FNIP2: variants seen among roughly 807,000 people sequenced by gnomAD.
FNIP2 encodes folliculin-interacting protein 2.
A neutral mutation model predicts 108.7 loss-of-function variants in FNIP2; 32 were observed. That is an observed-to-expected ratio of 0.29 (90% CI 0.22 to 0.40). The LOEUF (loss-of-function observed/expected upper bound fraction) is 0.40. Among genes scored for constraint, FNIP2 ranks in the 10% least tolerant of loss-of-function variants. FNIP2 has a pLI of 1.00. For synonymous variants in FNIP2, 480 were observed against 496.7 expected, an observed-to-expected ratio of 0.97 and a Z score of 0.45; for missense variants, 1,202 against 1,381.6, an observed-to-expected ratio of 0.87 and a Z score of 2.06.
At chr4:158,806,010 C>T (rs898742199) in intron 1 of FNIP2, 24 of 547,430 alleles carry the variant, frequency 4.4e-5, no homozygotes, top group Non-Finnish European at 5.6e-5. Flanking sequence ...TATTGGCAGG[C>T]TTAATTTACG....
At chr4:158,799,286 G>A (rs1776686768) in intron 1 of FNIP2, among the ~76,000 whole-genome samples, 1 of 152,226 alleles carries the variant, frequency 6.6e-6, no homozygotes, top group African/African-American at 2.4e-5. Flanking sequence ...TGTTATAGCT[G>A]TACATCCAAA....
intron 14 of FNIP2, among the ~76,000 whole-genome samples, chr4:158,883,482 C>T (rs1315104966): frequency 2.6e-5 from 4 of 152,152 alleles, no homozygotes; most frequent in Admixed American, 6.5e-5. Flanking sequence ...ACCTTGTGAT[C>T]CGCCCACCTC....
At chr4:158,842,328 CTT>C (rs1367753908) in intron 7 of FNIP2, among the ~76,000 whole-genome samples, 1 of 152,130 alleles carries the variant, frequency 6.6e-6, no homozygotes. Context: ...ATTGTAATAA[CTT>C]ATATTAAAAG....
chr4:158,830,279 G>A (rs1461824110), intron 3 of FNIP2, among the ~76,000 whole-genome samples: 1 of 139,078 alleles, frequency 7.2e-6, no homozygotes, highest in Non-Finnish European at 1.5e-5. Context: ...TTTTTGAGAC[G>A]GAGTCTCGCT....
chr4:158,806,580 C>A (rs1439532179), intron 1 of FNIP2, among the ~76,000 whole-genome samples: 2 of 152,290 alleles, frequency 1.3e-5, no homozygotes, highest in Middle Eastern at 3.4e-3. Context: ...AGAGTCAAGT[C>A]CCTTCTCTTA....
intron 14 of FNIP2, among the ~76,000 whole-genome samples, chr4:158,886,383 G>A (rs770307914): frequency 7.2e-5 from 11 of 152,128 alleles, no homozygotes; most frequent in South Asian, 2.1e-4. Context: ...TCTTCTATCC[G>A]CAAGTCCCTG....
chr4:158,853,596 A>G (rs1307452648), intron 8 of FNIP2, among the ~76,000 whole-genome samples: 1 of 152,146 alleles, frequency 6.6e-6, no homozygotes, highest in Non-Finnish European at 1.5e-5. Flanking sequence ...GACATTGTTC[A>G]GTGCCCACCT....
chr4:158,898,462 A>G (rs1782892522), intron 16 of FNIP2, among the ~76,000 whole-genome samples: 1 of 152,130 alleles, frequency 6.6e-6, no homozygotes, highest in South Asian at 2.1e-4. Context: ...GATTCTTCCT[A>G]TCCATGAGCA....
intron 13 of FNIP2, 45 bp downstream of exon 13, chr4:158,869,473 C>T: frequency 1.3e-6 from 2 of 1,517,106 alleles, no homozygotes; most frequent in Non-Finnish European, 1.8e-6. Flanking sequence ...GGTTCAAATC[C>T]CACTTTCCTG....
At chr4:158,782,999 T>A (rs1326278052) in intron 1 of FNIP2, among the ~76,000 whole-genome samples, 1 of 152,234 alleles carries the variant, frequency 6.6e-6, no homozygotes, top group Non-Finnish European at 1.5e-5. Flanking sequence ...CAGTTTGTAT[T>A]GGACTTTGAT....
At chr4:158,783,708 A>G (rs750114652) in intron 1 of FNIP2, among the ~76,000 whole-genome samples, 22 of 152,134 alleles carry the variant, frequency 1.4e-4, no homozygotes, top group Non-Finnish European at 3.1e-4. Context: ...AGGGCAGGGG[A>G]CGAGGACATT....
chr4:158,794,784 G>T (rs1776529018), intron 1 of FNIP2: 1 of 152,158 alleles, frequency 6.6e-6, no homozygotes, highest in Non-Finnish European at 1.5e-5. Flanking sequence ...CTGTTGAACA[G>T]CACTGTCTCT....
rs1207392288 is a variant in FNIP2, at chr4:158,907,107, T to A, written c.*2563T>A. Reference sequence around the variant, plus strand: ...GCATGACAGAGCAGAAGTCTGTAAATGTCCCTGTGATGGACCTCTTTCTAG... The same window carrying A: ...GCATGACAGAGCAGAAGTCTGTAAAAGTCCCTGTGATGGACCTCTTTCTAG... On this transcript the variant is annotated 3_prime_UTR_variant, in exon 17 of 17. Coordinates refer to ENST00000264433, the MANE Select transcript of FNIP2 (RefSeq NM_020840.3). 6.6e-6 allele frequency: 1 copy of A among 152,266 alleles called. No homozygotes were observed. Among genetic ancestry groups the A allele is most frequent in the Non-Finnish European group, 1.5e-5 (1 of 68,050 alleles). 9.4% of individuals were successfully genotyped at this position (152,266 alleles called of 1,614,324 possible).
intron 10 of FNIP2, 75 bp downstream of exon 10, chr4:158,859,741 G>T: frequency 8.1e-7 from 1 of 1,232,260 alleles, no homozygotes; most frequent in Non-Finnish European, 1.2e-6. Flanking sequence ...ACTGTGACTT[G>T]GAAGAATTGG....
intron 1 of FNIP2, among the ~76,000 whole-genome samples, chr4:158,802,305 A>G (rs1776790302): frequency 6.6e-6 from 1 of 150,886 alleles, no homozygotes; most frequent in Non-Finnish European, 1.5e-5. Context: ...AACCTCCCCC[A>G]CTCCCTCCTG....
intron 11 of FNIP2, 31 bp from the exon 12 acceptor site, chr4:158,861,576 A>G (rs758135319): frequency 2.5e-6 from 4 of 1,613,846 alleles, no homozygotes; most frequent in Non-Finnish European, 2.5e-6. Flanking sequence ...GTATTGACTA[A>G]GTTGGTTGTA....
intron 16 of FNIP2, 68 bp downstream of exon 16, chr4:158,895,933 G>T: frequency 8.4e-7 from 1 of 1,186,614 alleles, no homozygotes; most frequent in Non-Finnish European, 1.2e-6. Context: ...CCACTAACGT[G>T]TTTAGCCTGT....
chr4:158,796,970 G>T (rs888428174), intron 1 of FNIP2, among the ~76,000 whole-genome samples: 1 of 152,122 alleles, frequency 6.6e-6, no homozygotes, highest in Non-Finnish European at 1.5e-5. Context: ...TACTCAGCCT[G>T]ATCATGAGGA....
At chr4:158,809,598 G>T (rs748166902) in intron 1 of FNIP2, among the ~76,000 whole-genome samples, 4 of 152,016 alleles carry the variant, frequency 2.6e-5, no homozygotes, top group African/African-American at 7.2e-5. Context: ...AAACTTTCCC[G>T]GCAAATTAGC....
Sources: gnomAD v4.1 joint callset for allele counts (sites outside exome capture counted in the v4.1 genomes callset) on GRCh38, gnomAD v4.1.1 for gene constraint, MANE v1.5 for transcripts, NCBI Gene and HGNC (gene_info 2026-07-23, HGNC 2026-07-21) for gene names.